SEC24B: variants seen among roughly 807,000 people sequenced by gnomAD.
SEC24B encodes protein transport protein Sec24B.
Under a neutral mutation model 142.8 loss-of-function variants are expected in SEC24B, and 45 were observed. The ratio of observed to expected loss-of-function variants is 0.32; its 90% confidence interval spans 0.25 to 0.40. SEC24B has a LOEUF of 0.40. SEC24B is among the 10% of genes least tolerant of loss of function. The probability of loss-of-function intolerance (pLI) is 1.00; values close to 1 mark genes in which losing one functional copy is unlikely to be tolerated. For synonymous variants in SEC24B, 574 were observed against 568.2 expected (o/e 1.01, Z -0.15); for missense variants, 1,409 against 1,526.8 (o/e 0.92, Z 1.29).
chr4:109,481,949 T>C (rs1329157860), intron 4 of SEC24B, among the ~76,000 whole-genome samples, 168 bp downstream of exon 4: 1 of 152,250 alleles, frequency 6.6e-6, no homozygotes, highest in Non-Finnish European at 1.5e-5. Context: ...GTGTTTGTTT[T>C]GTTTTTCCTC....
intron 4 of SEC24B, among the ~76,000 whole-genome samples, chr4:109,485,525 A>G (rs1734267952): frequency 6.6e-6 from 1 of 152,126 alleles, no homozygotes; most frequent in Non-Finnish European, 1.5e-5. Flanking sequence ...GTTTTTTTCT[A>G]CTCCACAAAA....
At position 109,506,098 on chromosome 4, in the gene SEC24B, A is replaced by G. The variant is rs1358126545; in HGVS notation, c.1489-230A>G. 3.3e-5 allele frequency among the ~76,000 whole-genome samples: 5 copies of G among 152,104 alleles called. No homozygotes were observed. In the South Asian group the frequency reaches 8.3e-4, roughly 25 times the overall value. ...AACCAAATTGCTCATGTTGAAAAGC[A>G]TTGTTGCTGAAATTTCATTGCGAGG... is the stretch of plus-strand genomic sequence containing the variant. On this transcript the variant is annotated intron_variant, in intron 6 of 23. Transcript: ENST00000265175.
chr4:109,516,774 C>A, intron 11 of SEC24B, 134 bp downstream of exon 11: 2 of 493,090 alleles, frequency 4.1e-6, no homozygotes, highest in South Asian at 4.1e-5. Flanking sequence ...TACTTATGTA[C>A]CACAGAATAA....
At chr4:109,464,894 A>G (rs969240920) in intron 2 of SEC24B, among the ~76,000 whole-genome samples, 1 of 152,186 alleles carries the variant, frequency 6.6e-6, no homozygotes, top group African/African-American at 2.4e-5. Context: ...TATTTTCCTC[A>G]CATCACAAGT....
Position 109,516,763 on chromosome 4 carries a change from C to T in SEC24B, c.2126+123C>T, listed in dbSNP as rs28523362. 4.3e-4 allele frequency: 228 copies of T among 535,628 alleles called. 3 individuals carry two copies. Among genetic ancestry groups the T allele is most frequent in the African/African-American group, 3.9e-3 (205 of 52,286 alleles). 33.2% of individuals were successfully genotyped at this position (535,628 alleles called of 1,614,324 possible). On this transcript the variant is annotated intron_variant, in intron 11 of 23. Transcript: ENST00000265175. ...TTGTATTTATCAACTAAAAAGAGTA[C>T]TACTTATGTACCACAGAATAAGAAT...
intron 5 of SEC24B, among the ~76,000 whole-genome samples, chr4:109,493,631 CTTTT>C (rs11284823): frequency 1.4e-5 from 2 of 141,342 alleles, no homozygotes; most frequent in Non-Finnish European, 3.1e-5. Flanking sequence ...TAGATACTAC[CTTTT>C]TTTTTTTTTT....
At chr4:109,502,394 G>A (rs1039049198) in intron 6 of SEC24B, among the ~76,000 whole-genome samples, 2 of 152,166 alleles carry the variant, frequency 1.3e-5, no homozygotes, top group African/African-American at 2.4e-5. Flanking sequence ...AGAGATAGGA[G>A]TATTTGAAAA....
chr4:109,494,371 TAAAA>T (rs980983457), intron 5 of SEC24B, among the ~76,000 whole-genome samples: 2 of 151,682 alleles, frequency 1.3e-5, no homozygotes, highest in Admixed American at 6.6e-5. Flanking sequence ...TAAAAAGGAA[TAAAA>T]AAAAGATGTA....
chr4:109,533,047 T>A (rs1400958054), intron 21 of SEC24B, among the ~76,000 whole-genome samples: 2 of 152,222 alleles, frequency 1.3e-5, no homozygotes, highest in East Asian at 3.8e-4. Context: ...TAAATTCCTA[T>A]ATTTAGGGAC....
intron 5 of SEC24B, among the ~76,000 whole-genome samples, chr4:109,493,540 A>G (rs1430358702): frequency 6.6e-6 from 1 of 151,970 alleles, no homozygotes; most frequent in African/African-American, 2.4e-5. Flanking sequence ...TTAAATTTAA[A>G]TAAGGGCATT....
intron 4 of SEC24B, among the ~76,000 whole-genome samples, chr4:109,486,213 C>G (rs968943451): frequency 2.6e-5 from 4 of 152,166 alleles, no homozygotes; most frequent in Non-Finnish European, 5.9e-5. Flanking sequence ...TAATGAGGAG[C>G]AGCTCAGAGA....
At chr4:109,492,164 A>C (rs901363019) in intron 5 of SEC24B, among the ~76,000 whole-genome samples, 3 of 152,090 alleles carry the variant, frequency 2.0e-5, no homozygotes, top group African/African-American at 7.2e-5. Context: ...AAAAAAAAAA[A>C]AACCCATGCT....
rs776106600 is a variant in SEC24B, at chr4:109,521,634, A to G, written c.2508+8A>G. On this transcript the variant is annotated splice_region_variant and intron_variant, in intron 14 of 23. Transcript: ENST00000265175. ...CAGAGATCAAGTACAAAGGTATTTTATGTTTAGTTTTTTGTCATATTCAAG... is the reference window on the plus strand; with the variant it reads ...CAGAGATCAAGTACAAAGGTATTTTGTGTTTAGTTTTTTGTCATATTCAAG... 2.5e-6 allele frequency: 4 copies of G among 1,588,858 alleles called. No individual in the cohort carries two copies. The highest frequency in any genetic ancestry group is 1.8e-4 in the Middle Eastern group (1 of 5,570).
At chr4:109,458,807 A>G (rs1730966745) in intron 1 of SEC24B, among the ~76,000 whole-genome samples, 3 of 151,650 alleles carry the variant, frequency 2.0e-5, no homozygotes, top group South Asian at 2.1e-4. Flanking sequence ...GAAGATTAAG[A>G]TGATTTTTAT....
chr4:109,511,775 GGA>G (rs1737362390), intron 8 of SEC24B, among the ~76,000 whole-genome samples, 180 bp from the exon 9 acceptor site: 1 of 152,154 alleles, frequency 6.6e-6, no homozygotes, highest in African/African-American at 2.4e-5. Context: ...GTGACAAGAG[GGA>G]GAAAACTTGA....
In SEC24B at chr4:109,463,289, G is replaced by A; in HGVS notation, c.522G>A (p.Gln174=). Residue 174 remains glutamine (Q), a synonymous_variant, in exon 2 of 24, where the codon CAG becomes CAA. Coordinates refer to ENST00000265175, the MANE Select transcript of SEC24B (RefSeq NM_006323.5). ...MYSASSSVAS[Q]GFPSTCGHYA... ...CTGCCAGCTCTTCTGTTGCGTCTCA[G>A]GGATTTCCCTCTACTTGTGGTCATT... 2 of 1,614,114 alleles carry A rather than the reference G, an allele frequency of 1.2e-6. No homozygotes were observed. The highest frequency in any genetic ancestry group is 2.2e-5 in the East Asian group (1 of 44,888).
chr4:109,505,949 T>C lies in SEC24B; in HGVS notation c.1489-379T>C, dbSNP rs1736641203. Among the ~76,000 whole-genome samples, 4 of 152,318 alleles carry C rather than the reference T, an allele frequency of 2.6e-5. No individual in the cohort carries two copies. In the South Asian group the frequency reaches 8.3e-4, roughly 32 times the overall value. ...GGAAACAAAATAAGGCAAAACCTATTGAACACGATTGTACATTTCTATGGT... is the reference window on the plus strand; with the variant it reads ...GGAAACAAAATAAGGCAAAACCTATCGAACACGATTGTACATTTCTATGGT... On this transcript the variant is annotated intron_variant, in intron 6 of 23. Transcript: ENST00000265175.
intron 2 of SEC24B, among the ~76,000 whole-genome samples, chr4:109,467,235 A>G (rs1442015793): frequency 4.0e-5 from 6 of 149,458 alleles, no homozygotes; most frequent in Non-Finnish European, 7.4e-5. Flanking sequence ...CTGAGGCAGG[A>G]GAATGGCGTG....
intron 18 of SEC24B, among the ~76,000 whole-genome samples, 177 bp downstream of exon 18, chr4:109,527,609 A>G (rs879840008): frequency 1.7e-4 from 26 of 152,220 alleles, no homozygotes; most frequent in Non-Finnish European, 2.9e-4. Context: ...CATCTCTACT[A>G]AAAATACGAA....
Sources: gnomAD v4.1 joint callset for allele counts (sites outside exome capture counted in the v4.1 genomes callset) on GRCh38, gnomAD v4.1.1 for gene constraint, MANE v1.5 for transcripts, NCBI Gene and HGNC (gene_info 2026-07-23, HGNC 2026-07-21) for gene names.